Variants in COBL observed in about 807,000 individuals in gnomAD.
COBL encodes the protein cordon-bleu WH2 repeat protein.
Under a neutral mutation model 98.8 loss-of-function variants are expected in COBL, and 51 were observed. The observed-to-expected ratio is 0.52, with a 90% CI of 0.41 to 0.65. The LOEUF (loss-of-function observed/expected upper bound fraction) is 0.65, where lower values mean the gene tolerates loss of function less well. Ranked by LOEUF, COBL falls within the 30% of genes least tolerant of loss-of-function variation. COBL has a pLI of 0.00. For missense variants in COBL, 1,617 were observed against 1,617.5 expected (o/e 1.00, Z 0.01); for synonymous variants, 634 against 651.7 (o/e 0.97, Z 0.41).
At chr7:51,053,553 C>T (rs530558191) in intron 7 of COBL, among the ~76,000 whole-genome samples, 1 of 152,360 alleles carries the variant, frequency 6.6e-6, no homozygotes, top group Non-Finnish European at 1.5e-5. Flanking sequence ...AGCTAAGAAT[C>T]CAGATATCTG....
At chr7:51,089,514 TA>T (rs10715066) in intron 6 of COBL, among the ~76,000 whole-genome samples, 100,392 of 151,510 alleles carry the variant, frequency 0.66, 34,528 homozygotes, top group African/African-American at 0.87. Context: ...GACTCCGTCT[TA>T]AAAAAAAACA....
At chr7:51,192,138 A>G (rs1480569021) in intron 3 of COBL, among the ~76,000 whole-genome samples, 1 of 152,220 alleles carries the variant, frequency 6.6e-6, no homozygotes, top group Non-Finnish European at 1.5e-5. Flanking sequence ...CTCTGGTCAG[A>G]GTGTTCCAGA....
At chr7:51,295,184 G>A (rs928303304) in intron 1 of COBL, among the ~76,000 whole-genome samples, 36 of 151,978 alleles carry the variant, frequency 2.4e-4, no homozygotes, top group African/African-American at 8.7e-4. Flanking sequence ...TACTCAGGAG[G>A]CTGAGGAGGG....
chr7:51,240,753 G>A (rs1795716697), intron 1 of COBL, among the ~76,000 whole-genome samples: 2 of 152,082 alleles, frequency 1.3e-5, no homozygotes, highest in Admixed American at 1.3e-4. Context: ...ATGTTGGCCA[G>A]GCTGGTCTTG....
In COBL at chr7:51,294,990, A is replaced by G. The variant is rs34815600; in HGVS notation, c.41+21603T>C. On this transcript the variant is annotated intron_variant, in intron 1 of 12. Coordinates refer to ENST00000265136, the MANE Select transcript of COBL (RefSeq NM_015198.5). ...CAAATACCTAATGCATGAGGGGCTT[A>G]AAACCTAAATGACGGGCCGGGCACA... Among the ~76,000 whole-genome samples, 845 of 152,140 alleles carry G rather than the reference A, an allele frequency of 5.6e-3. 5 individuals carry two copies. The highest frequency in any genetic ancestry group is 7.5e-3 in the Non-Finnish European group (510 of 68,008).
chr7:51,312,285 C>T (rs1299189057), intron 1 of COBL, among the ~76,000 whole-genome samples: 6 of 152,030 alleles, frequency 3.9e-5, no homozygotes, highest in East Asian at 1.9e-4. Context: ...GAGCTGAGAT[C>T]GCACCATTGC....
intron 5 of COBL, among the ~76,000 whole-genome samples, chr7:51,181,730 G>C (rs542136646): frequency 1.3e-5 from 2 of 152,272 alleles, no homozygotes; most frequent in East Asian, 3.9e-4. Context: ...TCCACAGAGA[G>C]GACTCGATCA....
intron 6 of COBL, 70 bp downstream of exon 6, chr7:51,136,088 G>C: frequency 2.0e-6 from 3 of 1,528,122 alleles, no homozygotes; most frequent in Non-Finnish European, 2.7e-6. Flanking sequence ...TGTGTTCCCA[G>C]GGAGCTTTGG....
chr7:51,105,712 C>T (rs1052120539), intron 6 of COBL, among the ~76,000 whole-genome samples: 1 of 151,830 alleles, frequency 6.6e-6, no homozygotes, highest in African/African-American at 2.4e-5. Flanking sequence ...GATCGTTCTA[C>T]TGCACTGCAC....
At chr7:51,061,199 G>A (rs1453241477) in intron 7 of COBL, among the ~76,000 whole-genome samples, 1 of 152,100 alleles carries the variant, frequency 6.6e-6, no homozygotes, top group Non-Finnish European at 1.5e-5. Flanking sequence ...TTGTCAATGA[G>A]TATTTCCTTC....
chr7:51,207,080 T>C (rs776690296), intron 2 of COBL, among the ~76,000 whole-genome samples: 1 of 152,212 alleles, frequency 6.6e-6, no homozygotes, highest in Non-Finnish European at 1.5e-5. Flanking sequence ...AACTACTTTG[T>C]GGCTATTTCA....
In COBL at chr7:51,132,535, A is replaced by G. The variant is rs73697811; in HGVS notation, c.957+3623T>C. ...TACTCACAATCTTAATCCTGGCTCA[A>G]GAGCAGAACAAGTGAGGAAACCATG... On this transcript the variant is annotated intron_variant, in intron 6 of 12. Transcript: ENST00000265136. 6.4e-3 allele frequency among the ~76,000 whole-genome samples: 978 copies of G among 152,312 alleles called. 7 individuals are homozygous for G. The highest frequency in any genetic ancestry group is 0.023 in the African/African-American group (940 of 41,576).
In COBL at chr7:51,043,705, C is replaced by T. The variant is rs902561065; in HGVS notation, c.1097-13G>A. On this transcript the variant is annotated splice_polypyrimidine_tract_variant and intron_variant, in intron 7 of 12. Coordinates refer to ENST00000265136, the MANE Select transcript of COBL (RefSeq NM_015198.5). ...AGGGGCAGGCTTACTGGACAAGACA[C>T]GGCAAGGACAGGTCAGCCCAAACCA... 23 of 1,607,728 alleles carry T rather than the reference C, an allele frequency of 1.4e-5. No homozygotes were observed. The highest frequency in any genetic ancestry group is 2.7e-5 in the African/African-American group (2 of 74,872).
At chr7:51,097,722 C>T (rs1224473063) in intron 6 of COBL, among the ~76,000 whole-genome samples, 2 of 151,984 alleles carry the variant, frequency 1.3e-5, no homozygotes, top group African/African-American at 2.4e-5. Flanking sequence ...TAATAAAATA[C>T]TTAGAAATAA....
At position 51,136,408 on chromosome 7, in the gene COBL, A is replaced by G. The variant is rs1410400743; in HGVS notation, c.784-77T>C. 2.8e-6 allele frequency: 4 copies of G among 1,446,140 alleles called. No individual in the cohort carries two copies. The African/African-American group carries it at 5.6e-5, about 20-fold the overall frequency. 89.6% of individuals were successfully genotyped at this position (1,446,140 alleles called of 1,614,324 possible). On this transcript the variant is annotated intron_variant, in intron 5 of 12. Coordinates refer to ENST00000265136, the MANE Select transcript of COBL (RefSeq NM_015198.5). ...CCCGTATGAATGCTCACATGAAGAC[A>G]AAGTTCCAATCCGTCCACCTGAGCT...
At chr7:51,176,280 A>G (rs1788377519) in intron 5 of COBL, among the ~76,000 whole-genome samples, 1 of 152,186 alleles carries the variant, frequency 6.6e-6, no homozygotes. Context: ...AAAAAATACA[A>G]AAGCAAGGAT....
intron 1 of COBL, among the ~76,000 whole-genome samples, chr7:51,229,650 G>A (rs10265564): frequency 0.034 from 5,212 of 152,268 alleles, 128 homozygotes; most frequent in African/African-American, 0.07. Context: ...TCTCAGGCAT[G>A]ATTTAGTACA....
intron 5 of COBL, among the ~76,000 whole-genome samples, chr7:51,161,110 T>G (rs2129034589): frequency 6.6e-6 from 1 of 152,302 alleles, no homozygotes; most frequent in African/African-American, 2.4e-5. Context: ...GAACACATTT[T>G]CCTGTTCTCA....
chr7:51,039,653 G>A (rs754036222), intron 8 of COBL, among the ~76,000 whole-genome samples: 16 of 152,226 alleles, frequency 1.1e-4, no homozygotes, highest in Admixed American at 2.6e-4. Flanking sequence ...CTTCAGTAGC[G>A]ACAAGTGTAT....
Sources: gnomAD v4.1 joint callset for allele counts (sites outside exome capture counted in the v4.1 genomes callset) on GRCh38, gnomAD v4.1.1 for gene constraint, MANE v1.5 for transcripts, NCBI Gene and HGNC (gene_info 2026-07-23, HGNC 2026-07-21) for gene names.